Variants in NPC1L1 observed in about 807,000 individuals in gnomAD.
The protein encoded by NPC1L1 is NPC1 like intracellular cholesterol transporter 1.
In NPC1L1, 98 loss-of-function variants were observed where a neutral mutation model predicts 117.0. The ratio of observed to expected loss-of-function variants is 0.84; its 90% CI spans 0.71 to 0.99. NPC1L1 has a LOEUF of 0.99. Among genes scored for constraint, NPC1L1 ranks in the 50% least tolerant of loss-of-function variants. NPC1L1 has a pLI of 0.00. For missense variants in NPC1L1, 1,540 were observed against 1,710.0 expected (o/e 0.90, Z 1.75); for synonymous variants, 729 against 727.6 (o/e 1.00, Z -0.03).
rs892092358 is a variant in NPC1L1 at position 44,538,739 on chromosome 7, G to C, written c.1580+78C>G. 6.9e-7 allele frequency: 1 copy of C among 1,446,630 alleles called. No homozygotes were observed. The highest frequency in any genetic ancestry group is 2.3e-5 in the East Asian group (1 of 44,138). The allele number at this position is 1,446,630 out of a possible 1,614,324, so 89.6% of individuals were successfully genotyped here. A position where few individuals can be genotyped will look rare whatever the true frequency, so the allele number is the denominator to read the frequency against. Reference sequence around the variant, plus strand: ...GTCCTTCAGGACCAGCTGTATGCCCGGCCAGGTTCCCAGGAGGCCATGGCA... The same window carrying C: ...GTCCTTCAGGACCAGCTGTATGCCCCGCCAGGTTCCCAGGAGGCCATGGCA... On this transcript the variant is annotated intron_variant, in intron 2 of 18. Coordinates refer to ENST00000381160, the MANE Select transcript of NPC1L1 (RefSeq NM_001101648.2). This position sits in a 1 kb window ranked among gnomAD's most constrained non-coding sequence, Gnocchi z 5.9.
intron 10 of NPC1L1, 90 bp from the exon 11 acceptor site, chr7:44,522,332 G>T: frequency 8.0e-7 from 1 of 1,251,114 alleles, no homozygotes; most frequent in Non-Finnish European, 1.1e-6. Context: ...GGTACACACA[G>T]AGGTACATGC....
intron 10 of NPC1L1, among the ~76,000 whole-genome samples, chr7:44,528,927 C>T (rs1012139726): frequency 4.0e-5 from 6 of 151,866 alleles, no homozygotes; most frequent in African/African-American, 1.2e-4. Flanking sequence ...AAAAATTAGC[C>T]AGGCATGGTG....
At position 44,516,774 on chromosome 7, in the gene NPC1L1, C is replaced by G. The variant is rs183439593; in HGVS notation, c.3448G>C (p.Val1150Leu). Residue 1150 changes from valine (V) to leucine (L), a missense_variant, in exon 16 of 19, where the codon GTG becomes CTG. This residue lies in a region of NPC1L1 where 742 missense variants were observed against 873.6 expected (regional missense o/e 0.85). Coordinates refer to ENST00000381160, the MANE Select transcript of NPC1L1 (RefSeq NM_001101648.2). ...AGGGCCATGAAGCCGACAGTGTCCA[C>G]GAGGATCATGACAATGGAGAGCAGG... ...LNLLSIVMIL[V>L]DTVGFMALWG... 2 of 1,613,762 alleles carry G rather than the reference C, an allele frequency of 1.2e-6. No individual in the cohort carries two copies. Among genetic ancestry groups the G allele is most frequent in the Admixed American group, 1.7e-5 (1 of 59,938 alleles).
At position 44,538,115 on chromosome 7, in the gene NPC1L1, T is replaced by C. The variant is rs1444799687; in HGVS notation, c.1580+702A>G. ...TGCCCCTTTTAACTCTCATTTGCTC[T>C]GGAGTATGGAGTACTAAACGTTCAT... On this transcript the variant is annotated intron_variant, in intron 2 of 18. Transcript: ENST00000381160. The surrounding 1 kb of genome is among the most constrained non-coding windows in gnomAD (Gnocchi z 5.9). 3.9e-5 allele frequency among the ~76,000 whole-genome samples: 6 copies of C among 152,262 alleles called. No individual in the cohort carries two copies. Among genetic ancestry groups the C allele is most frequent in the Non-Finnish European group, 8.8e-5 (6 of 68,046 alleles).
chr7:44,525,873 G>C (rs1283128577), intron 10 of NPC1L1, among the ~76,000 whole-genome samples: 1 of 152,212 alleles, frequency 6.6e-6, no homozygotes, highest in Admixed American at 6.5e-5. Context: ...TAGATTGAAA[G>C]TGCTGAAGAA....
chr7:44,524,110 G>GGA (rs1214347191), intron 10 of NPC1L1, among the ~76,000 whole-genome samples: 1 of 152,114 alleles, frequency 6.6e-6, no homozygotes, highest in East Asian at 1.9e-4. Flanking sequence ...ATAAGGACAA[G>GGA]GACATTCAAA....
rs146460239 is a variant in NPC1L1, at chr7:44,540,095, G to A, written c.302C>T (p.Ala101Val). Residue 101 changes from alanine to valine, a missense_variant, in exon 2 of 19, where the codon GCG becomes GTG. Ala to Val is a moderately conservative substitution (Grantham distance 64). This residue lies in a region of NPC1L1 where 793 missense variants were observed against 820.4 expected (regional missense o/e 0.97). Coordinates refer to ENST00000381160, the MANE Select transcript of NPC1L1 (RefSeq NM_001101648.2). ...CSAKQLVSLE[A>V]SLSITKALLT... ...GAGGGCCTTGGTGATCGACAGACTC[G>A]CTTCCAGTGATACCAGCTGCTTGGC... 25 of 1,614,032 alleles carry A rather than the reference G, an allele frequency of 1.5e-5. No homozygotes were observed. The African/African-American group carries it at 1.9e-4, about 12-fold the overall frequency.
intron 8 of NPC1L1, 80 bp from the exon 9 acceptor site, chr7:44,532,297 T>A: frequency 6.3e-7 from 1 of 1,576,738 alleles, no homozygotes; most frequent in African/African-American, 1.3e-5. Context: ...CCAGGGAGTG[T>A]CACCTTCTGT....
At chr7:44,522,649 T>C (rs1801397901) in intron 10 of NPC1L1, among the ~76,000 whole-genome samples, 1 of 152,112 alleles carries the variant, frequency 6.6e-6, no homozygotes, top group Non-Finnish European at 1.5e-5. Flanking sequence ...CAGTTTTAGG[T>C]GTACCCCCAG....
rs267601518 is a variant in NPC1L1 at position 44,539,664 on chromosome 7, C to T, written c.733G>A (p.Glu245Lys). Reference protein sequence around the residue: ...PLNEGVARCNESQGDDVATCS... With the variant: ...PLNEGVARCNKSQGDDVATCS... ...GTCGCCACGTCGTCACCTTGGGACT[C>T]ATTGCAACGTGCAACCCCCTCATTC... The change falls in exon 2 of 19, where the codon GAG becomes AAG. Residue 245 changes from glutamate (E) to lysine (K), a missense_variant. Glu to Lys is a moderately conservative substitution (Grantham distance 56). Around this residue, in one of 3 missense-constraint regions of NPC1L1, gnomAD observed 793 missense variants for 820.4 expected, o/e 0.97. Transcript: ENST00000381160. This position sits in a 1 kb window ranked among gnomAD's most constrained non-coding sequence, Gnocchi z 4.4. The T allele has an allele frequency of 1.2e-6, 2 of 1,613,932 alleles. No homozygotes were observed. Among genetic ancestry groups the T allele is most frequent in the South Asian group, 1.1e-5 (1 of 91,090 alleles).
rs1214606467 is a variant in NPC1L1, at chr7:44,540,071, A to C, written c.326T>G (p.Leu109Arg). The change falls in exon 2 of 19, where the codon CTC becomes CGC. Residue 109 changes from leucine (L) to arginine (R), a missense_variant. By Grantham distance (102) the Leu-to-Arg change is moderately radical. Around this residue, in one of 3 missense-constraint regions of NPC1L1, gnomAD observed 793 missense variants for 820.4 expected, o/e 0.97. Coordinates refer to ENST00000381160, the MANE Select transcript of NPC1L1 (RefSeq NM_001101648.2). ...AGAGCAGGCTGGGCAGCGGGTGAGG[A>C]GGGCCTTGGTGATCGACAGACTCGC... ...LEASLSITKA[L>R]LTRCPACSDN... is the part of the protein sequence containing the mutation. 1 of 1,614,018 alleles carries C rather than the reference A, an allele frequency of 6.2e-7. No homozygotes were observed. The highest frequency in any genetic ancestry group is 2.2e-5 in the East Asian group (1 of 44,880).
intron 14 of NPC1L1, chr7:44,518,737 G>A: frequency 8.6e-7 from 1 of 1,168,374 alleles, no homozygotes; most frequent in Non-Finnish European, 1.1e-6. Context: ...AGAAACAATA[G>A]TGCTACATAG....
chr7:44,538,639 A>T lies in NPC1L1; in HGVS notation c.1580+178T>A, dbSNP rs995003556. On this transcript the variant is annotated intron_variant, in intron 2 of 18. Transcript: ENST00000381160. This position sits in a 1 kb window ranked among gnomAD's most constrained non-coding sequence, Gnocchi z 5.9. ...ATGAGCAGGAACTCTGACCAAAGGAAATGGCGGCCGGACGAGGGGCAGAGA... is the reference window on the plus strand; with the variant it reads ...ATGAGCAGGAACTCTGACCAAAGGATATGGCGGCCGGACGAGGGGCAGAGA... Among the ~76,000 whole-genome samples the T allele has an allele frequency of 6.6e-6, 1 of 152,182 alleles. No homozygotes were observed. Among genetic ancestry groups the T allele is most frequent in the Admixed American group, 6.5e-5 (1 of 15,282 alleles).
chr7:44,531,725 G>A (rs759553325), intron 10 of NPC1L1, 30 bp downstream of exon 10: 17 of 1,547,044 alleles, frequency 1.1e-5, no homozygotes, highest in Non-Finnish European at 1.4e-5. Context: ...AATCCCAGGG[G>A]CCTAAGGGTT....
intron 10 of NPC1L1, among the ~76,000 whole-genome samples, chr7:44,524,624 A>T (rs1476241188): frequency 2.6e-5 from 4 of 152,046 alleles, no homozygotes; most frequent in Non-Finnish European, 5.9e-5. Flanking sequence ...GCATGGTGGC[A>T]GGCACCTGTA....
chr7:44,519,808 CTTTCT>C (rs1801297805), intron 14 of NPC1L1, among the ~76,000 whole-genome samples: 1 of 149,164 alleles, frequency 6.7e-6, no homozygotes. Context: ...TTACTTTTTT[CTTTCT>C]TTTTTTTTTT....
In NPC1L1 at chr7:44,533,824, TC is replaced by T. The variant is rs575895978; in HGVS notation, c.2195del (p.Arg732GlnfsTer9). The part of the protein sequence containing the change: ...QRLPRRPGEP[R>X]EVHIGRALGR... The stretch of plus-strand genomic sequence containing the variant: ...CTAGGGCTCGCCCAATGTGGACCTC[TC>T]GTGGCTCCCCAGGCCTCCGGGGCAG... On this transcript the variant is annotated frameshift_variant, in exon 7 of 19. Transcript: ENST00000381160. LOFTEE classifies it high-confidence loss of function. 1.1e-4 allele frequency: 175 copies of T among 1,613,262 alleles called. 1 individual carries two copies. In the East Asian group the frequency reaches 3.9e-3, roughly 36 times the overall value.
chr7:44,536,047 G>A lies in NPC1L1; in HGVS notation c.1855-79C>T, dbSNP rs1801879064. The A allele has an allele frequency of 6.2e-7, 1 of 1,605,990 alleles. No homozygotes were observed. The highest frequency in any genetic ancestry group is 1.1e-5 in the South Asian group (1 of 90,308). ...CAGCTCTCAATAGCTCGGTCACTGG[G>A]CACTAATTGTGTGTTGTGTCATAGG... On this transcript the variant is annotated intron_variant, in intron 4 of 18. Transcript: ENST00000381160. This position sits in a 1 kb window ranked among gnomAD's most constrained non-coding sequence, Gnocchi z 4.7.
chr7:44,540,466 T>G, intron 1 of NPC1L1, 124 bp from the exon 2 acceptor site: 1 of 862,746 alleles, frequency 1.2e-6, no homozygotes, highest in South Asian at 1.4e-5. Flanking sequence ...GCGGGGAGTG[T>G]GGGGAGTAGG....
Sources: allele counts gnomAD v4.1 joint callset (sites outside exome capture counted in the v4.1 genomes callset), GRCh38; gene constraint gnomAD v4.1.1; regional missense constraint gnomAD v4.1.1; non-coding constraint Gnocchi (gnomAD v3.1); transcripts MANE v1.5; gene names NCBI Gene and HGNC (gene_info 2026-07-23, HGNC 2026-07-21).